HS1BP3: variants seen among roughly 807,000 people sequenced by gnomAD.
HS1BP3 encodes HCLS1 binding protein 3.
In HS1BP3, 32 loss-of-function variants were observed where a neutral mutation model predicts 33.5. That is an observed-to-expected ratio of 0.95 (90% CI 0.72 to 1.28). The LOEUF (loss-of-function observed/expected upper bound fraction) is 1.28, where lower values mean the gene tolerates loss of function less well. Ranked by LOEUF, HS1BP3 falls within the 50% of genes most tolerant of loss-of-function variation. The probability of loss-of-function intolerance (pLI) is 0.00; values close to 1 mark genes in which losing one functional copy is unlikely to be tolerated. For missense variants in HS1BP3, 486 were observed against 502.3 expected, an observed-to-expected ratio of 0.97 and a Z score of 0.31; for synonymous variants, 187 against 209.2, an observed-to-expected ratio of 0.89 and a Z score of 0.92.
At chr2:20,576,103 C>T (rs1693393968) in intron 5 of HS1BP3, among the ~76,000 whole-genome samples, 1 of 152,158 alleles carries the variant, frequency 6.6e-6, no homozygotes, top group Non-Finnish European at 1.5e-5. Context: ...TTTAGCCTCC[C>T]AAGTAGCTGG....
chr2:20,640,423 A>C, intron 3 of HS1BP3: 1 of 219,602 alleles, frequency 4.6e-6, no homozygotes, highest in Non-Finnish European at 8.9e-6. Flanking sequence ...CAGGACACCC[A>C]TGGGAAGGGC....
At chr2:20,593,707 G>T (rs746205548) in intron 3 of HS1BP3, among the ~76,000 whole-genome samples, 3 of 152,028 alleles carry the variant, frequency 2.0e-5, no homozygotes, top group Non-Finnish European at 4.4e-5. Context: ...CACTGCGCCC[G>T]CTCTCACCCT....
intron 1 of HS1BP3, among the ~76,000 whole-genome samples, chr2:20,649,411 C>G (rs1695617862): frequency 6.6e-6 from 1 of 152,250 alleles, no homozygotes; most frequent in Admixed American, 6.5e-5. Flanking sequence ...CTCTTTACCA[C>G]ACCATAGAAA....
At chr2:20,616,609 A>T (rs1034505201), downstream of HS1BP3, among the ~76,000 whole-genome samples, 2 of 152,170 alleles carry the variant, frequency 1.3e-5, no homozygotes, top group Admixed American at 6.5e-5. Context: ...CCCGATGACC[A>T]CACTGGGCCT....
intron 5 of HS1BP3, among the ~76,000 whole-genome samples, chr2:20,574,028 C>T (rs1050877716): frequency 2.0e-5 from 3 of 152,252 alleles, no homozygotes; most frequent in Admixed American, 6.5e-5. Context: ...GAATGCAAAA[C>T]TAGGTCCTTC....
At position 20,645,357 on chromosome 2, in the gene HS1BP3, C is replaced by A. The variant is rs1324512069; in HGVS notation, c.181G>T (p.Asp61Tyr). The A allele has an allele frequency of 6.2e-7, 1 of 1,613,840 alleles. No individual in the cohort carries two copies. Among genetic ancestry groups the A allele is most frequent in the South Asian group, 1.1e-5 (1 of 91,048 alleles). Residue 61 changes from aspartate to tyrosine, a missense_variant, in exon 2 of 7, where the codon GAT becomes TAT. Coordinates refer to ENST00000304031, the MANE Select transcript of HS1BP3 (RefSeq NM_022460.4). ...AFKSAKHRPE[D>Y]VVQFLVSKKY... ...CGGCTCACCAAGAACTGGACGACAT[C>A]CTCGGGCCTGTGCTTGGCCGACTTG...
chr2:20,639,059 G>A (rs1227694555), intron 3 of HS1BP3, among the ~76,000 whole-genome samples: 1 of 152,258 alleles, frequency 6.6e-6, no homozygotes, highest in Non-Finnish European at 1.5e-5. Context: ...GATTCAAAAA[G>A]AACCAGTACA....
intron 2 of HS1BP3, among the ~76,000 whole-genome samples, chr2:20,606,097 C>T (rs1694170942): frequency 6.6e-6 from 1 of 151,980 alleles, no homozygotes; most frequent in Non-Finnish European, 1.5e-5. Context: ...TCTACATCCT[C>T]ACCAACATTT....
At chr2:20,596,106 A>T (rs902543074) in intron 3 of HS1BP3, among the ~76,000 whole-genome samples, 1 of 152,094 alleles carries the variant, frequency 6.6e-6, no homozygotes, top group Non-Finnish European at 1.5e-5. Flanking sequence ...GACCCACAGG[A>T]TGTGACTCAA....
intron 4 of HS1BP3, among the ~76,000 whole-genome samples, chr2:20,625,193 A>G (rs549448770): frequency 1.1e-4 from 16 of 152,372 alleles, no homozygotes; most frequent in East Asian, 3.9e-4. Flanking sequence ...GGTTTCCCCA[A>G]TGACAGAGTG....
chr2:20,641,107 G>C lies in HS1BP3; in HGVS notation c.272C>G (p.Pro91Arg). The change falls in exon 3 of 7, where the codon CCC (proline) becomes CGC (arginine). Residue 91 changes from proline to arginine, a missense_variant. Physicochemically the swap from Pro to Arg is moderately radical, Grantham distance 103 (BLOSUM62 -2). Transcript: ENST00000304031. The stretch of plus-strand genomic sequence containing the variant: ...AAACAGGACCTTCCTGGGTAGTGGG[G>C]GGAGGCTGGCTGCTGCATAACGACT... ...LSSRYAAASLPPLPRKVLFVG... is the reference protein window; with the variant it reads ...LSSRYAAASLRPLPRKVLFVG... 6.2e-7 allele frequency: 1 copy of C among 1,613,636 alleles called. No individual in the cohort carries two copies. Among genetic ancestry groups the C allele is most frequent in the Non-Finnish European group, 8.5e-7 (1 of 1,180,022 alleles).
chr2:20,645,465 GCA>G lies in HS1BP3; in HGVS notation c.71_72del (p.Val24AlafsTer51), dbSNP rs779381814. 2.0e-5 allele frequency: 33 copies of G among 1,613,776 alleles called. No individual in the cohort carries two copies. In the South Asian group the frequency reaches 3.2e-4, roughly 16 times the overall value. ...TTGCCCCGTACCTCCTGGTGCTGGG[GCA>G]CAGTCAGGTCGAGGCCAGTGTGGGC... ...QNAHTGLDLT[V>X]PQHQEVRGKM... On this transcript the variant is annotated frameshift_variant, in exon 2 of 7. Transcript: ENST00000304031. LOFTEE classifies it high-confidence loss of function.
intron 5 of HS1BP3, among the ~76,000 whole-genome samples, chr2:20,570,100 G>A (rs990589197): frequency 6.6e-6 from 1 of 152,106 alleles, no homozygotes; most frequent in African/African-American, 2.4e-5. Flanking sequence ...CCGGCCACAA[G>A]CAATTCCAGG....
chr2:20,646,253 C>T (rs557297997), intron 1 of HS1BP3, among the ~76,000 whole-genome samples: 3 of 152,306 alleles, frequency 2.0e-5, no homozygotes, highest in South Asian at 4.1e-4. Flanking sequence ...ACATCCCTCA[C>T]GCAAACACCT....
chr2:20,618,827 G>A lies in HS1BP3; in HGVS notation c.*160C>T, dbSNP rs1383827014. ...GCTTCTACTTTGGCCCCACAGCCCCGGAGAAAATGGAACCATGCAGTTCTG... is the reference window on the plus strand; with the variant it reads ...GCTTCTACTTTGGCCCCACAGCCCCAGAGAAAATGGAACCATGCAGTTCTG... On this transcript the variant is annotated 3_prime_UTR_variant, in exon 7 of 7. Coordinates refer to ENST00000304031, the MANE Select transcript of HS1BP3 (RefSeq NM_022460.4). The A allele has an allele frequency of 2.9e-5, 41 of 1,420,600 alleles. No homozygotes were observed. The highest frequency in any genetic ancestry group is 1.9e-4 in the Admixed American group (6 of 32,094). The allele number at this position is 1,420,600 out of a possible 1,614,324, so 88.0% of individuals were successfully genotyped here. A position where few individuals can be genotyped will look rare whatever the true frequency, so the allele number is the denominator to read the frequency against.
intron 4 of HS1BP3, among the ~76,000 whole-genome samples, chr2:20,627,619 T>A (rs574646992): frequency 6.6e-6 from 1 of 152,300 alleles, no homozygotes; most frequent in South Asian, 2.1e-4. Context: ...CCTTTTGTTG[T>A]CCTGAACTGA....
At chr2:20,566,796 G>A (rs1236711254) in intron 5 of HS1BP3, among the ~76,000 whole-genome samples, 1 of 151,768 alleles carries the variant, frequency 6.6e-6, no homozygotes, top group East Asian at 1.9e-4. Context: ...TAGTAGAGAC[G>A]GGGTTTCACC....
chr2:20,620,814 C>A (rs1694574464), intron 6 of HS1BP3, among the ~76,000 whole-genome samples: 2 of 152,230 alleles, frequency 1.3e-5, no homozygotes, highest in African/African-American at 4.8e-5. Context: ...GCCACAGGGG[C>A]TGAGCAAGTG....
At chr2:20,627,229 G>T (rs907274208) in intron 4 of HS1BP3, among the ~76,000 whole-genome samples, 3 of 152,244 alleles carry the variant, frequency 2.0e-5, no homozygotes, top group Non-Finnish European at 4.4e-5. Context: ...AGGGAGGGCA[G>T]GTCTGAGGCT....
Sources: gnomAD v4.1 joint callset for allele counts (sites outside exome capture counted in the v4.1 genomes callset) on GRCh38, gnomAD v4.1.1 for gene constraint, MANE v1.5 for transcripts, NCBI Gene and HGNC (gene_info 2026-07-23, HGNC 2026-07-21) for gene names.